Variants in MFHAS1 observed in about 807,000 individuals in gnomAD.
The protein encoded by MFHAS1 is multifunctional ROCO family signaling regulator 1, also known as malignant fibrous histiocytoma-amplified sequence 1.
MFHAS1 carries 50 observed loss-of-function variants against 70.4 expected under a neutral mutation model. That is an observed-to-expected ratio of 0.71 (90% CI 0.57 to 0.90). The LOEUF is 0.90. Ranked by LOEUF, MFHAS1 falls within the 40% of genes least tolerant of loss-of-function variation. The pLI is 0.00. For synonymous variants in MFHAS1, 952 were observed against 620.0 expected (o/e 1.54, Z -7.96); for missense variants, 1,795 against 1,347.6 (o/e 1.33, Z -5.20).
intron 1 of MFHAS1, among the ~76,000 whole-genome samples, chr8:8,823,654 T>C (rs976195233): frequency 6.6e-6 from 1 of 151,010 alleles, no homozygotes; most frequent in Non-Finnish European, 1.5e-5. Flanking sequence ...AACATGTCCT[T>C]GGTTCTCCCA....
chr8:8,802,780 C>G (rs1350818625), intron 1 of MFHAS1, among the ~76,000 whole-genome samples: 1 of 152,152 alleles, frequency 6.6e-6, no homozygotes, highest in Non-Finnish European at 1.5e-5. Flanking sequence ...GGTGAAGGAG[C>G]AGGCTGTGCG....
intron 1 of MFHAS1, among the ~76,000 whole-genome samples, chr8:8,874,451 G>A (rs546829293): frequency 3.9e-5 from 6 of 152,182 alleles, no homozygotes; most frequent in Non-Finnish European, 7.4e-5. Flanking sequence ...GATCAAATGC[G>A]AGGTGCAGAA....
At chr8:8,861,796 A>C (rs1236506677) in intron 1 of MFHAS1, among the ~76,000 whole-genome samples, 1 of 152,180 alleles carries the variant, frequency 6.6e-6, no homozygotes, top group East Asian at 1.9e-4. Flanking sequence ...TGCCTTTTCT[A>C]GAACTTCATA....
Position 8,819,058 on chromosome 8 carries a change from G to C in MFHAS1, c.2999-21567C>G, listed in dbSNP as rs912943950. The stretch of plus-strand genomic sequence containing the variant: ...AAAATAATCAAAATGCTCATCAATA[G>C]AAGGCTGGCTAAATAAAGTCGGCTT... On this transcript the variant is annotated intron_variant, in intron 1 of 2. Coordinates refer to ENST00000276282, the MANE Select transcript of MFHAS1 (RefSeq NM_004225.3). Among the ~76,000 whole-genome samples, 59 of 152,140 alleles carry C rather than the reference G, an allele frequency of 3.9e-4. 1 individual carries two copies. Among genetic ancestry groups the C allele is most frequent in the Non-Finnish European group, 1.2e-4 (8 of 68,038 alleles).
At position 8,783,762 on chromosome 8, in the gene MFHAS1, G is replaced by T. The variant is rs1377537762; in HGVS notation, c.*2260C>A. 2 of 152,040 alleles carry T rather than the reference G, an allele frequency of 1.3e-5. No individual in the cohort carries two copies. Among genetic ancestry groups the T allele is most frequent in the Non-Finnish European group, 2.9e-5 (2 of 68,012 alleles). The allele number at this position is 152,040 out of a possible 1,614,324, so 9.4% of individuals were successfully genotyped here. A position where few individuals can be genotyped will look rare whatever the true frequency, so the allele number is the denominator to read the frequency against. The stretch of plus-strand genomic sequence containing the variant: ...ACCTATCGCCTCGGTGGGCTGCTGT[G>T]TCTTTCCAGGTGCTGAAAGAGAAAA... On this transcript the variant is annotated 3_prime_UTR_variant, in exon 3 of 3. Transcript: ENST00000276282.
In MFHAS1 at chr8:8,829,149, C is replaced by T. The variant is rs911626323; in HGVS notation, c.2999-31658G>A. Among the ~76,000 whole-genome samples, 41 of 152,324 alleles carry T rather than the reference C, an allele frequency of 2.7e-4. 1 individual carries two copies. Among genetic ancestry groups the T allele is most frequent in the Admixed American group, 2.2e-3 (34 of 15,300 alleles). On this transcript the variant is annotated intron_variant, in intron 1 of 2. Transcript: ENST00000276282. ...ATCAAACTTTTCAGGGACCCCAATA[C>T]GTCACCTCTCATGCCTCTGCTAAGC...
chr8:8,890,238 G>A lies in MFHAS1; in HGVS notation c.2821C>T (p.Leu941=). 6.2e-7 allele frequency: 1 copy of A among 1,614,194 alleles called. No homozygotes were observed. Among genetic ancestry groups the A allele is most frequent in the Non-Finnish European group, 8.5e-7 (1 of 1,180,022 alleles). Residue 941 remains leucine (L), a synonymous_variant, in exon 1 of 3, where the codon CTG becomes TTG. Coordinates refer to ENST00000276282, the MANE Select transcript of MFHAS1 (RefSeq NM_004225.3). Reference sequence around the variant, plus strand: ...AATGATGCATGGCTAGCAATGGACAGGGTGTCTGGCTGCAGGACTCCCCTG... The same window carrying A: ...AATGATGCATGGCTAGCAATGGACAAGGTGTCTGGCTGCAGGACTCCCCTG... ...PARGVLQPDT[L]SIASHASLPN...
At chr8:8,812,097 C>T (rs1260884571) in intron 1 of MFHAS1, among the ~76,000 whole-genome samples, 2 of 152,192 alleles carry the variant, frequency 1.3e-5, no homozygotes, top group Non-Finnish European at 2.9e-5. Flanking sequence ...AGTCAAGTTC[C>T]ATGTGCGGCG....
At chr8:8,876,234 T>C (rs962244310) in intron 1 of MFHAS1, among the ~76,000 whole-genome samples, 10 of 152,196 alleles carry the variant, frequency 6.6e-5, no homozygotes, top group African/African-American at 2.4e-4. Flanking sequence ...CTCTTGCAAC[T>C]AACCACCATA....
In MFHAS1 at chr8:8,891,800, G is replaced by A. The variant is rs1368091012; in HGVS notation, c.1259C>T (p.Ala420Val). 2.5e-6 allele frequency: 4 copies of A among 1,613,172 alleles called. No homozygotes were observed. Among genetic ancestry groups the A allele is most frequent in the South Asian group, 1.1e-5 (1 of 91,076 alleles). ...GCAGTGGCGCAGCAAAGTCTTTCCTGCAGCCTTATGCCCCATCAGGAGCAG... is the reference window on the plus strand; with the variant it reads ...GCAGTGGCGCAGCAAAGTCTTTCCTACAGCCTTATGCCCCATCAGGAGCAG... ...LKLLLMGHKAAGKTLLRHCLT... is the reference protein window; with the variant it reads ...LKLLLMGHKAVGKTLLRHCLT... Residue 420 changes from alanine (A) to valine (V), a missense_variant, in exon 1 of 3, where the codon GCA (alanine) becomes GTA (valine). Transcript: ENST00000276282. The surrounding 1 kb of genome is among the most constrained non-coding windows in gnomAD (Gnocchi z 5.4).
At chr8:8,846,348 GAGGAGGGGGAGGAGGAGA>G (rs1460974146) in intron 1 of MFHAS1, among the ~76,000 whole-genome samples, 1 of 118,424 alleles carries the variant, frequency 8.4e-6, no homozygotes, top group African/African-American at 3.2e-5. Context: ...GGAGGAGGGG[GAGGAGGGGGAGGAGGAGA>G]AGGAGAAGGA....
chr8:8,824,967 T>A (rs1303152977), intron 1 of MFHAS1, among the ~76,000 whole-genome samples: 2 of 152,196 alleles, frequency 1.3e-5, no homozygotes, highest in Non-Finnish European at 2.9e-5. Context: ...CATTTGCAGG[T>A]TCCCAGGCTA....
In MFHAS1 at chr8:8,797,339, G is replaced by C. The variant is rs770952156; in HGVS notation, c.3125+26C>G. On this transcript the variant is annotated intron_variant, in intron 2 of 2. Transcript: ENST00000276282. ...AGCTGGGATCAGGAGCCAGGTCCCG[G>C]GGCCAGAGGGACTTTGAGAACTCAC... 2.5e-6 allele frequency: 4 copies of C among 1,611,044 alleles called. No homozygotes were observed. The Admixed American group carries it at 6.7e-5, about 27-fold the overall frequency.
At chr8:8,801,196 TG>T in intron 1 of MFHAS1, among the ~76,000 whole-genome samples, 1 of 150,866 alleles carries the variant, frequency 6.6e-6, no homozygotes, top group East Asian at 2.0e-4. Flanking sequence ...GCCTGGACGA[TG>T]GGGTGAGACT....
rs1192738068 is a variant in MFHAS1 at position 8,793,829 on chromosome 8, GT to G, written c.3125+3535del. The stretch of plus-strand genomic sequence containing the variant: ...TAGACTCATCTGGGTGGCTTCTTCT[GT>G]TTTTTAGTGACTCATGCCTGGTCCC... On this transcript the variant is annotated intron_variant, in intron 2 of 2. Transcript: ENST00000276282. Among the ~76,000 whole-genome samples, 5 of 152,290 alleles carry G rather than the reference GT, an allele frequency of 3.3e-5. No homozygotes were observed. In the South Asian group the frequency reaches 8.3e-4, roughly 25 times the overall value.
chr8:8,854,423 A>C (rs543828546), intron 1 of MFHAS1, among the ~76,000 whole-genome samples: 1 of 152,100 alleles, frequency 6.6e-6, no homozygotes, highest in Non-Finnish European at 1.5e-5. Context: ...CCGGAGGCTG[A>C]GGCAGGATAA....
intron 1 of MFHAS1, among the ~76,000 whole-genome samples, chr8:8,847,703 C>T (rs1585049502): frequency 1.3e-5 from 2 of 152,330 alleles, no homozygotes; most frequent in Middle Eastern, 3.4e-3. Flanking sequence ...ATTCCCTGCA[C>T]ACTCTGGACC....
chr8:8,856,466 T>C (rs1349255849), intron 1 of MFHAS1, among the ~76,000 whole-genome samples: 1 of 152,206 alleles, frequency 6.6e-6, no homozygotes, highest in Non-Finnish European at 1.5e-5. Flanking sequence ...CCTGTTGGAA[T>C]TCCTCTGGAG....
chr8:8,854,259 G>A (rs1808348999), intron 1 of MFHAS1, among the ~76,000 whole-genome samples: 1 of 152,092 alleles, frequency 6.6e-6, no homozygotes, highest in Admixed American at 6.6e-5. Flanking sequence ...TAGGCCAGGT[G>A]CAGTGGCTCA....
Sources: gnomAD v4.1 joint callset for allele counts (sites outside exome capture counted in the v4.1 genomes callset) on GRCh38, gnomAD v4.1.1 for gene constraint, Gnocchi (gnomAD v3.1) non-coding constraint, MANE v1.5 for transcripts, NCBI Gene and HGNC (gene_info 2026-07-23, HGNC 2026-07-21) for gene names.